Variants in ADGRL2 observed in about 807,000 individuals in gnomAD.
ADGRL2 encodes the protein adhesion G protein-coupled receptor L2.
Under a neutral mutation model 157.4 loss-of-function variants are expected in ADGRL2, and 44 were observed. That is an observed-to-expected ratio of 0.28 (90% CI 0.22 to 0.36). The LOEUF is 0.36. ADGRL2 is among the 10% of genes least tolerant of loss of function. The pLI is 1.00. For synonymous variants in ADGRL2, 585 were observed against 624.7 expected (o/e 0.94, Z 0.95); for missense variants, 1,510 against 1,768.9 (o/e 0.85, Z 2.63).
chr1:81,795,141 C>G (rs901455828), intron 2 of ADGRL2, among the ~76,000 whole-genome samples: 2 of 152,082 alleles, frequency 1.3e-5, no homozygotes, highest in African/African-American at 4.8e-5. Context: ...GCTGTAATCT[C>G]AGAACTTTGG....
intron 3 of ADGRL2, among the ~76,000 whole-genome samples, chr1:81,911,881 T>C (rs1258620120): frequency 6.7e-6 from 1 of 150,154 alleles, no homozygotes; most frequent in African/African-American, 2.5e-5. Flanking sequence ...CTCCCATTTT[T>C]TTTTTTTTTT....
intron 2 of ADGRL2, among the ~76,000 whole-genome samples, chr1:81,895,163 G>A (rs1286248951): frequency 6.6e-6 from 1 of 152,050 alleles, no homozygotes; most frequent in Non-Finnish European, 1.5e-5. Flanking sequence ...ATGAGTGGGT[G>A]GTTTCAGTGC....
At chr1:81,360,482 T>C (rs559605092) in intron 1 of ADGRL2, among the ~76,000 whole-genome samples, 18 of 152,120 alleles carry the variant, frequency 1.2e-4, no homozygotes, top group Admixed American at 2.0e-4. Context: ...GGAACAGAGA[T>C]TGTATGTTAC....
chr1:81,837,307 G>A (rs920834921), intron 2 of ADGRL2, among the ~76,000 whole-genome samples: 7 of 151,858 alleles, frequency 4.6e-5, no homozygotes, highest in Non-Finnish European at 2.9e-5. Flanking sequence ...AAATAATCCC[G>A]AGGGAACTAA....
chr1:81,615,698 G>A (rs1217052285), intron 3 of ADGRL2, among the ~76,000 whole-genome samples: 1 of 152,108 alleles, frequency 6.6e-6, no homozygotes, highest in African/African-American at 2.4e-5. Context: ...TCCCTTCAAG[G>A]AGCATTATTT....
chr1:81,936,328 A>G (rs1313675428), intron 3 of ADGRL2, among the ~76,000 whole-genome samples: 1 of 151,866 alleles, frequency 6.6e-6, no homozygotes, highest in Non-Finnish European at 1.5e-5. Context: ...TAGTTATAGG[A>G]CCATTTTTAA....
At chr1:81,466,046 T>C (rs2078045355) in intron 2 of ADGRL2, among the ~76,000 whole-genome samples, 2 of 152,212 alleles carry the variant, frequency 1.3e-5, no homozygotes, top group African/African-American at 4.8e-5. Context: ...GTGTACCACA[T>C]GTGTACATGT....
chr1:81,818,696 A>G (rs1272890908), intron 1 of ADGRL2, among the ~76,000 whole-genome samples: 1 of 152,186 alleles, frequency 6.6e-6, no homozygotes, highest in African/African-American at 2.4e-5. Context: ...TGTGCTCACT[A>G]GGTTCACTAG....
At chr1:81,839,012 A>G (rs2092422210) in intron 2 of ADGRL2, among the ~76,000 whole-genome samples, 1 of 152,034 alleles carries the variant, frequency 6.6e-6, no homozygotes, top group African/African-American at 2.4e-5. Flanking sequence ...TTTGTCTTAG[A>G]AAGTCTTACA....
chr1:81,824,948 CCTCTCT>C (rs3046312), intron 1 of ADGRL2, among the ~76,000 whole-genome samples: 74 of 127,974 alleles, frequency 5.8e-4, no homozygotes, highest in Middle Eastern at 4.3e-3. Flanking sequence ...TTTTAATTCT[CCTCTCT>C]CTCTCTCTCT....
At chr1:81,448,214 G>A (rs555773541) in intron 2 of ADGRL2, among the ~76,000 whole-genome samples, 43 of 133,634 alleles carry the variant, frequency 3.2e-4, no homozygotes, top group African/African-American at 1.0e-3. Context: ...GCTTAATCTC[G>A]GCACACTGCA....
At chr1:81,553,595 T>A (rs192945342) in intron 2 of ADGRL2, among the ~76,000 whole-genome samples, 86 of 152,346 alleles carry the variant, frequency 5.6e-4, no homozygotes, top group Non-Finnish European at 7.2e-4. Flanking sequence ...ACCTTCTTTA[T>A]GTCTGGCTAT....
intron 3 of ADGRL2, among the ~76,000 whole-genome samples, chr1:81,613,443 G>C (rs945028885): frequency 6.6e-6 from 1 of 152,166 alleles, no homozygotes; most frequent in Non-Finnish European, 1.5e-5. Flanking sequence ...AGGTCATATA[G>C]AGATAACCCA....
chr1:81,587,824 TAAG>T (rs1417793694), intron 3 of ADGRL2, among the ~76,000 whole-genome samples: 1 of 152,002 alleles, frequency 6.6e-6, no homozygotes, highest in African/African-American at 2.4e-5. Context: ...GAAAATAAAT[TAAG>T]GAGGGATTTT....
rs1299090058 is a variant in ADGRL2, at chr1:81,941,985, T to G, written c.398-49T>G. ...GTCAATTTATTTTAATCTTTTTTCT[T>G]TTTTCCTTGCACCTTTTTTATTTTT... On this transcript the variant is annotated intron_variant, in intron 4 of 23. Coordinates refer to ENST00000686636, the MANE Select transcript of ADGRL2 (RefSeq NM_001366006.2). 4.0e-6 allele frequency: 3 copies of G among 751,716 alleles called. No individual in the cohort carries two copies. The South Asian group carries it at 4.3e-5, about 11-fold the overall frequency. The allele number at this position is 751,716 out of a possible 1,614,324, so 46.6% of individuals were successfully genotyped here.
chr1:81,501,226 C>T (rs1357398827), intron 2 of ADGRL2, among the ~76,000 whole-genome samples: 1 of 152,320 alleles, frequency 6.6e-6, no homozygotes, highest in East Asian at 1.9e-4. Flanking sequence ...ACTCTGTTCA[C>T]CTTTATACAC....
At chr1:81,946,530 C>T (rs1190610180) in intron 6 of ADGRL2, among the ~76,000 whole-genome samples, 2 of 151,904 alleles carry the variant, frequency 1.3e-5, no homozygotes, top group African/African-American at 2.4e-5. Context: ...TTTATATTTA[C>T]TTAATCTGTC....
At chr1:81,521,674 T>C (rs1462496278) in intron 2 of ADGRL2, among the ~76,000 whole-genome samples, 1 of 152,230 alleles carries the variant, frequency 6.6e-6, no homozygotes, top group Non-Finnish European at 1.5e-5. Context: ...TCATAATTTT[T>C]GGTTTTTCAC....
intron 2 of ADGRL2, among the ~76,000 whole-genome samples, chr1:81,558,040 A>C (rs2080354378): frequency 1.3e-5 from 2 of 152,212 alleles, no homozygotes; most frequent in Admixed American, 1.3e-4. Flanking sequence ...TATAACAGTG[A>C]GAGTTTCAGC....
Sources: allele counts gnomAD v4.1 joint callset (sites outside exome capture counted in the v4.1 genomes callset), GRCh38; gene constraint gnomAD v4.1.1; transcripts MANE v1.5; gene names NCBI Gene and HGNC (gene_info 2026-07-23, HGNC 2026-07-21).